The following LYRM4 variants were observed in gnomAD, a reference collection of about 807,000 sequenced individuals.
LYRM4 encodes the protein LYR motif-containing protein 4.
In LYRM4, 9 loss-of-function variants were observed where a neutral mutation model predicts 11.7. That is an observed-to-expected ratio of 0.77 (90% CI 0.46 to 1.34). The LOEUF is 1.34. Among genes scored for constraint, LYRM4 ranks in the 40% most tolerant of loss-of-function variants. The pLI is 0.00. For synonymous variants in LYRM4, 42 were observed against 40.4 expected, an observed-to-expected ratio of 1.04 and a Z score of -0.15; for missense variants, 133 against 112.5, an observed-to-expected ratio of 1.18 and a Z score of -0.82.
the LYRM4 span, among the ~76,000 whole-genome samples, chr6:5,051,192 G>A: frequency 1.3e-5 from 2 of 152,140 alleles, no homozygotes; most frequent in Non-Finnish European, 2.9e-5. Flanking sequence ...ACATCATGAA[G>A]TAAACCAACA....
intron 2 of LYRM4, among the ~76,000 whole-genome samples, chr6:5,114,329 G>T (rs1029076449): frequency 6.6e-6 from 1 of 152,178 alleles, no homozygotes; most frequent in Non-Finnish European, 1.5e-5. Flanking sequence ...CTTATTGCCA[G>T]CTTTCTTTTA....
At chr6:5,122,161 G>T (rs921179991) in intron 2 of LYRM4, among the ~76,000 whole-genome samples, 1 of 152,216 alleles carries the variant, frequency 6.6e-6, no homozygotes, top group Non-Finnish European at 1.5e-5. Context: ...AGACTTGTTT[G>T]CAGAGACTTA....
Position 5,260,859 on chromosome 6 carries a change from G to A in LYRM4, c.-126C>T. 6 of 1,486,870 alleles carry A rather than the reference G, an allele frequency of 4.0e-6. No homozygotes were observed. Among genetic ancestry groups the A allele is most frequent in the South Asian group, 2.6e-5 (2 of 75,958 alleles). The allele number at this position is 1,486,870 out of a possible 1,614,324, so 92.1% of individuals were successfully genotyped here. A position where few individuals can be genotyped will look rare whatever the true frequency, so the allele number is the denominator to read the frequency against. ...AATGCTGCGGCTCGGCTTTGCCAGC[G>A]GGCCGGGCCTAAGCCTAAGCGGGCA... On this transcript the variant is annotated 5_prime_UTR_variant, in exon 1 of 3. Transcript: ENST00000330636.
chr6:5,166,749 ATTCT>A (rs1759109431), intron 2 of LYRM4, among the ~76,000 whole-genome samples: 1 of 152,236 alleles, frequency 6.6e-6, no homozygotes, highest in Admixed American at 6.5e-5. Context: ...GGAATGAAAT[ATTCT>A]TTTTCAAAAG....
intron 1 of LYRM4, among the ~76,000 whole-genome samples, chr6:5,219,963 A>G (rs907608243): frequency 1.6e-4 from 25 of 152,324 alleles, no homozygotes; most frequent in African/African-American, 6.0e-4. Flanking sequence ...CCACAGAAAC[A>G]GTGAGGTGAT....
intron 1 of LYRM4, among the ~76,000 whole-genome samples, chr6:5,255,508 T>G (rs1338531064): frequency 6.6e-6 from 1 of 152,094 alleles, no homozygotes; most frequent in Non-Finnish European, 1.5e-5. Flanking sequence ...AGCTTTTTTT[T>G]TCTAATATGA....
At chr6:5,136,541 T>A (rs1035291524) in intron 2 of LYRM4, 46 of 965,578 alleles carry the variant, frequency 4.8e-5, no homozygotes, top group Non-Finnish European at 5.7e-5. Context: ...TAATGTCAAT[T>A]TTACATAAGT....
the LYRM4 span, among the ~76,000 whole-genome samples, chr6:5,098,571 C>G: frequency 6.6e-6 from 1 of 152,202 alleles, no homozygotes; most frequent in East Asian, 1.9e-4. Context: ...TGTGTACACA[C>G]GAGCACCAGG....
the LYRM4 span, chr6:5,086,404 C>G: frequency 1.3e-6 from 2 of 1,536,280 alleles, no homozygotes; most frequent in Non-Finnish European, 1.7e-6. Flanking sequence ...GCTGTGCCTG[C>G]CCCCGGGCCT....
chr6:5,075,078 G>A, the LYRM4 span, among the ~76,000 whole-genome samples: 1 of 152,080 alleles, frequency 6.6e-6, no homozygotes, highest in Non-Finnish European at 1.5e-5. Context: ...ACCTGCTGGT[G>A]CCCTTCACCT....
intron 2 of LYRM4, among the ~76,000 whole-genome samples, chr6:5,133,126 G>A (rs1235216333): frequency 6.6e-6 from 1 of 152,214 alleles, no homozygotes; most frequent in Non-Finnish European, 1.5e-5. Flanking sequence ...AGGGCCACTT[G>A]TCCCCGTGCT....
chr6:5,149,674 G>C (rs1327416666), intron 2 of LYRM4, among the ~76,000 whole-genome samples: 3 of 152,154 alleles, frequency 2.0e-5, no homozygotes, highest in Non-Finnish European at 4.4e-5. Context: ...GAGGATATCA[G>C]AGGGCTTCTT....
In LYRM4 at chr6:5,246,311, C is replaced by T. The variant is rs556301812; in HGVS notation, c.86+14337G>A. 8.5e-5 allele frequency among the ~76,000 whole-genome samples: 13 copies of T among 152,308 alleles called. 1 individual carries two copies. The South Asian group carries it at 2.5e-3, about 29-fold the overall frequency. ...GCCATGTGAAGCTAAGAATGAATTC[C>T]ATTCCAGAAACCACATGGCGCCACT... On this transcript the variant is annotated intron_variant, in intron 1 of 2. Transcript: ENST00000330636.
the LYRM4 span, among the ~76,000 whole-genome samples, chr6:5,080,220 T>C: frequency 7.3e-4 from 111 of 152,318 alleles, 1 homozygote; most frequent in African/African-American, 2.6e-3. Flanking sequence ...TGATGGAAGG[T>C]CCCAGATATC....
chr6:5,158,025 C>T (rs1758519247), intron 2 of LYRM4, among the ~76,000 whole-genome samples: 1 of 152,172 alleles, frequency 6.6e-6, no homozygotes, highest in Non-Finnish European at 1.5e-5. Context: ...ACAAGCCACA[C>T]ACTCTGTTTG....
At chr6:5,166,225 C>T (rs1362878539) in intron 2 of LYRM4, among the ~76,000 whole-genome samples, 1 of 152,198 alleles carries the variant, frequency 6.6e-6, no homozygotes, top group Non-Finnish European at 1.5e-5. Context: ...TACAAATAGA[C>T]TGTGGTAGTT....
the LYRM4 span, among the ~76,000 whole-genome samples, chr6:5,071,057 G>A: frequency 6.6e-6 from 1 of 151,502 alleles, no homozygotes; most frequent in African/African-American, 2.4e-5. Context: ...GCGTGGTAGC[G>A]GGCGCCTATA....
At chr6:5,239,882 C>A (rs1763772734) in intron 1 of LYRM4, among the ~76,000 whole-genome samples, 1 of 152,132 alleles carries the variant, frequency 6.6e-6, no homozygotes, top group African/African-American at 2.4e-5. Flanking sequence ...AACATTCTCA[C>A]CACCCCCATA....
At chr6:5,036,210 T>C in the LYRM4 span, among the ~76,000 whole-genome samples, 1 of 152,088 alleles carries the variant, frequency 6.6e-6, no homozygotes, top group Non-Finnish European at 1.5e-5. Context: ...TTAATCCAAA[T>C]TGAATAATTA....
Sources: gnomAD v4.1 joint callset for allele counts (sites outside exome capture counted in the v4.1 genomes callset) on GRCh38, gnomAD v4.1.1 for gene constraint, MANE v1.5 for transcripts, NCBI Gene and HGNC (gene_info 2026-07-23, HGNC 2026-07-21) for gene names.